Variants in PXDNL observed in about 807,000 individuals in gnomAD.
PXDNL encodes probable oxidoreductase PXDNL.
Under a neutral mutation model 150.8 loss-of-function variants are expected in PXDNL, and 145 were observed. The ratio of observed to expected loss-of-function variants is 0.96; its 90% CI spans 0.84 to 1.10. PXDNL has a LOEUF of 1.10. PXDNL is among the 50% of genes least tolerant of loss of function. PXDNL has a pLI of 0.00. For synonymous variants in PXDNL, 757 were observed against 725.7 expected, an observed-to-expected ratio of 1.04 and a Z score of -0.69; for missense variants, 2,087 against 1,873.9, an observed-to-expected ratio of 1.11 and a Z score of -2.10.
chr8:51,515,526 T>TGGAAGACTTC (rs1811517856), intron 4 of PXDNL, among the ~76,000 whole-genome samples: 1 of 152,188 alleles, frequency 6.6e-6, no homozygotes, highest in Admixed American at 6.5e-5. Flanking sequence ...CTCTTCCCTG[T>TGGAAGACTTC]CCATGGCAAA....
chr8:51,717,488 ATC>A (rs1816638184), intron 1 of PXDNL, among the ~76,000 whole-genome samples: 1 of 152,214 alleles, frequency 6.6e-6, no homozygotes, highest in Admixed American at 6.5e-5. Flanking sequence ...TGTTGCTGCC[ATC>A]CCATCAGTCA....
At chr8:51,364,684 G>A (rs1453546670) in intron 19 of PXDNL, among the ~76,000 whole-genome samples, 1 of 152,184 alleles carries the variant, frequency 6.6e-6, no homozygotes, top group Non-Finnish European at 1.5e-5. Context: ...TACATTTGTT[G>A]TCTCACAATC....
intron 14 of PXDNL, among the ~76,000 whole-genome samples, chr8:51,416,315 A>G (rs779551159): frequency 2.6e-4 from 39 of 152,246 alleles, no homozygotes; most frequent in Non-Finnish European, 4.4e-4. Flanking sequence ...GGTGGACAGA[A>G]GTTGATATAA....
chr8:51,411,322 T>A lies in PXDNL; in HGVS notation c.1990A>T (p.Ile664Phe). 2 of 1,584,436 alleles carry A rather than the reference T, an allele frequency of 1.3e-6. No individual in the cohort carries two copies. Among genetic ancestry groups the A allele is most frequent in the Non-Finnish European group, 1.7e-6 (2 of 1,167,962 alleles). ...ATCAGCTGCAGCGTGTGCTCAAAAA[T>A]CTCCCCTGCTCTTGCCATTTCCACA... ...LIVEMARAGE[I>F]FEHTLQLIRE... The change falls in exon 16 of 23, where the codon ATT becomes TTT. Residue 664 changes from isoleucine to phenylalanine, a missense_variant. Coordinates refer to ENST00000356297, the MANE Select transcript of PXDNL (RefSeq NM_144651.5).
rs75004979 is a variant in PXDNL, at chr8:51,389,564, A to C, written c.3558-14833T>G. On this transcript the variant is annotated intron_variant, in intron 17 of 22. Coordinates refer to ENST00000356297, the MANE Select transcript of PXDNL (RefSeq NM_144651.5). ...ATCCCCTTACCCTGTGTGGGTACTA[A>C]AACCTCAACTTCTGATCCCTCAGAG... Among the ~76,000 whole-genome samples the C allele has an allele frequency of 2.1e-3, 316 of 152,266 alleles. 1 individual carries two copies. Among genetic ancestry groups the C allele is most frequent in the African/African-American group, 7.0e-3 (291 of 41,558 alleles).
intron 1 of PXDNL, among the ~76,000 whole-genome samples, chr8:51,685,629 T>C (rs1456120146): frequency 2.6e-5 from 4 of 152,236 alleles, no homozygotes; most frequent in Non-Finnish European, 5.9e-5. Context: ...TTTGTTTACC[T>C]ACATACACAC....
In PXDNL at chr8:51,409,373, G is replaced by C; in HGVS notation, c.2251C>G (p.Arg751Gly). ...TWGAALTAFA[R>G]LLQPAYRDGI... ...TCCCGGTAGGCTGGCTGCAGCAGGCGCGCGAAGGCGGTCAGCGCCGCGCCC... is the reference window on the plus strand; with the variant it reads ...TCCCGGTAGGCTGGCTGCAGCAGGCCCGCGAAGGCGGTCAGCGCCGCGCCC... The change falls in exon 17 of 23, where the codon CGC (arginine) becomes GGC (glycine). Residue 751 changes from arginine to glycine, a missense_variant. Coordinates refer to ENST00000356297, the MANE Select transcript of PXDNL (RefSeq NM_144651.5). 2 of 1,575,040 alleles carry C rather than the reference G, an allele frequency of 1.3e-6. No homozygotes were observed. Among genetic ancestry groups the C allele is most frequent in the Non-Finnish European group, 8.6e-7 (1 of 1,164,100 alleles).
chr8:51,494,043 AC>A (rs1297270201), intron 5 of PXDNL, among the ~76,000 whole-genome samples: 1 of 152,214 alleles, frequency 6.6e-6, no homozygotes, highest in Admixed American at 6.5e-5. Context: ...AGGTCGGGTT[AC>A]CCACAAAGGG....
intron 4 of PXDNL, among the ~76,000 whole-genome samples, chr8:51,547,217 C>T (rs929980392): frequency 1.3e-5 from 2 of 152,154 alleles, no homozygotes; most frequent in African/African-American, 4.8e-5. Flanking sequence ...AGTACCACCT[C>T]CTGGCTGGAG....
chr8:51,498,238 A>C (rs1360242683), intron 5 of PXDNL, among the ~76,000 whole-genome samples: 1 of 145,650 alleles, frequency 6.9e-6, no homozygotes, highest in Admixed American at 7.0e-5. Context: ...CAATGAGAAC[A>C]CATGGACACA....
intron 1 of PXDNL, among the ~76,000 whole-genome samples, chr8:51,668,512 A>G (rs1017212999): frequency 6.6e-6 from 1 of 152,122 alleles, no homozygotes; most frequent in Admixed American, 6.5e-5. Flanking sequence ...GTAATAAGAC[A>G]AAAGGCTAAA....
intron 3 of PXDNL, among the ~76,000 whole-genome samples, chr8:51,584,970 G>A (rs1247079690): frequency 1.3e-5 from 2 of 152,224 alleles, no homozygotes; most frequent in African/African-American, 4.8e-5. Context: ...AGCACAATGC[G>A]GGTAGATTGG....
Position 51,790,796 on chromosome 8 carries a change from A to ATG in PXDNL, c.164+18383_164+18384dup, listed in dbSNP as rs1456542454. Among the ~76,000 whole-genome samples the ATG allele has an allele frequency of 3.7e-3, 124 of 33,500 alleles. 6 individuals carry two copies. Among genetic ancestry groups the ATG allele is most frequent in the African/African-American group, 4.0e-3 (102 of 25,816 alleles). 22.0% of individuals were successfully genotyped at this position (33,500 alleles called of 152,430 possible). On this transcript the variant is annotated intron_variant, in intron 1 of 22. Transcript: ENST00000356297. ...GGCTGCCACTCTTTTATATATATAT[A>ATG]TGTGTGTGTGTGTGTGTGAGTGTTT...
chr8:51,396,068 G>C (rs955907051), intron 17 of PXDNL, among the ~76,000 whole-genome samples: 21 of 152,214 alleles, frequency 1.4e-4, no homozygotes, highest in African/African-American at 5.1e-4. Flanking sequence ...ACTTGGCTGA[G>C]AAATAAATCG....
At chr8:51,533,344 T>A (rs1244761127) in intron 4 of PXDNL, among the ~76,000 whole-genome samples, 2 of 151,646 alleles carry the variant, frequency 1.3e-5, no homozygotes, top group South Asian at 4.2e-4. Context: ...AGACACAGGG[T>A]TTCACCATGT....
intron 5 of PXDNL, among the ~76,000 whole-genome samples, chr8:51,495,486 C>T (rs199807979): frequency 6.6e-6 from 1 of 152,090 alleles, no homozygotes; most frequent in Admixed American, 6.5e-5. Flanking sequence ...ATCAATGAAT[C>T]CAGGAGCTGG....
At chr8:51,550,583 G>A (rs10090420) in intron 4 of PXDNL, among the ~76,000 whole-genome samples, 40,816 of 151,874 alleles carry the variant, frequency 0.27, 6,709 homozygotes, top group African/African-American at 0.44. Context: ...ACAAAAAATC[G>A]TATTATTATC....
rs370231281 is a variant in PXDNL, at chr8:51,371,963, C to A, written c.3811G>T (p.Val1271Phe). The A allele has an allele frequency of 6.1e-5, 98 of 1,613,834 alleles. No individual in the cohort carries two copies. The highest frequency in any genetic ancestry group is 7.7e-5 in the Non-Finnish European group (91 of 1,179,890). ...TGTGGGTATTCTGCCTTTACAAAGA[C>A]ATCAGCCTGCACTTGCTGAATGCTG... ...GDSIQQVQAD[V>F]FVKAEYPQDY... is the part of the protein sequence containing the mutation. Residue 1271 changes from valine to phenylalanine, a missense_variant, in exon 19 of 23, where the codon GTC becomes TTC. Transcript: ENST00000356297.
chr8:51,336,927 T>C (rs1372641892), intron 21 of PXDNL, among the ~76,000 whole-genome samples: 2 of 152,138 alleles, frequency 1.3e-5, no homozygotes, highest in African/African-American at 2.4e-5. Flanking sequence ...GTCACACACC[T>C]TAGATTATGG....
Sources: gnomAD v4.1 joint callset for allele counts (sites outside exome capture counted in the v4.1 genomes callset) on GRCh38, gnomAD v4.1.1 for gene constraint, MANE v1.5 for transcripts, NCBI Gene and HGNC (gene_info 2026-07-23, HGNC 2026-07-21) for gene names.